TCP11: variants seen among roughly 807,000 people sequenced by gnomAD.
The protein encoded by TCP11 is T-complex protein 11 homolog.
A neutral mutation model predicts 45.0 loss-of-function variants in TCP11; 34 were observed. That is an observed-to-expected ratio of 0.76 (90% CI 0.57 to 1.01). The LOEUF (loss-of-function observed/expected upper bound fraction) is 1.01. Ranked by LOEUF, TCP11 falls within the 50% of genes least tolerant of loss-of-function variation. The pLI is 0.00. For missense variants in TCP11, 523 were observed against 598.1 expected (o/e 0.87, Z 1.31); for synonymous variants, 227 against 227.0 (o/e 1.00, Z 0.00).
intron 3 of TCP11, among the ~76,000 whole-genome samples, chr6:35,133,563 G>C (rs558518785): frequency 6.6e-6 from 1 of 151,984 alleles, no homozygotes; most frequent in African/African-American, 2.4e-5. Context: ...AGGCCAAGGC[G>C]GGTGGATCAC....
intron 9 of TCP11, 55 bp downstream of exon 9, chr6:35,119,172 AC>A: frequency 6.3e-7 from 1 of 1,594,856 alleles, no homozygotes; most frequent in Non-Finnish European, 8.6e-7. Context: ...TTGGGGTTCC[AC>A]GGTTGGGATC....
rs1319642643 is a variant in TCP11 at position 35,124,449 on chromosome 6, G to A, written c.358-2112C>T. Among the ~76,000 whole-genome samples the A allele has an allele frequency of 2.6e-5, 4 of 152,302 alleles. No individual in the cohort carries two copies. In the South Asian group the frequency reaches 8.3e-4, roughly 32 times the overall value. ...TTAATGATAATTATTCACCTTTTGAGAAACAACTTCTTGGGCCTTGGTAGA... is the reference window on the plus strand; with the variant it reads ...TTAATGATAATTATTCACCTTTTGAAAAACAACTTCTTGGGCCTTGGTAGA... On this transcript the variant is annotated intron_variant, in intron 4 of 9. Transcript: ENST00000311875.
Position 35,120,311 on chromosome 6 carries a change from C to T in TCP11, c.963G>A (p.Gln321=). 1 of 1,614,198 alleles carries T rather than the reference C, an allele frequency of 6.2e-7. No individual in the cohort carries two copies. The highest frequency in any genetic ancestry group is 8.5e-7 in the Non-Finnish European group (1 of 1,179,992). The change falls in exon 8 of 10, where the codon CAG becomes CAA. Residue 321 remains glutamine, a synonymous_variant. Transcript: ENST00000311875. The surrounding 1 kb of genome is among the most constrained non-coding windows in gnomAD (Gnocchi z 4.9). The stretch of plus-strand genomic sequence containing the variant: ...ACTGGTGCAACTGGGACTTCAGCTC[C>T]TGCAGCCGGGTTCTGTCCATCAGCA... ...ETLLMDRTRL[Q]ELKSQLHQLT...
intron 3 of TCP11, among the ~76,000 whole-genome samples, chr6:35,134,598 C>T (rs373402830): frequency 1.3e-5 from 2 of 151,960 alleles, no homozygotes; most frequent in East Asian, 1.9e-4. Context: ...TTAAATCATC[C>T]CTAGATTACT....
At chr6:35,139,392 A>G (rs7772251) in intron 2 of TCP11, among the ~76,000 whole-genome samples, 102,578 of 152,018 alleles carry the variant, frequency 0.67, 34,772 homozygotes, top group Middle Eastern at 0.84. Context: ...AAAGTTAAGG[A>G]GATTGTAGAC....
chr6:35,124,911 G>A (rs1472973797), intron 4 of TCP11, among the ~76,000 whole-genome samples: 2 of 151,490 alleles, frequency 1.3e-5, no homozygotes, highest in African/African-American at 4.8e-5. Flanking sequence ...CAAAATGGTA[G>A]TGGCTCACGT....
chr6:35,140,857 T>C lies in TCP11; in HGVS notation c.14A>G (p.Lys5Arg). Reference sequence around the variant, plus strand: ...AGGATATTTCGGGGGCACACTCTCCTTGACGTCTGGCATTTTGCTGATGGT... The same window carrying C: ...AGGATATTTCGGGGGCACACTCTCCCTGACGTCTGGCATTTTGCTGATGGT... The part of the protein sequence containing the change: MPDV[K>R]ESVPPKYPGD... The change falls in exon 2 of 10, where the codon AAG becomes AGG. Residue 5 changes from lysine (K) to arginine (R), a missense_variant. By Grantham distance (26) the Lys-to-Arg change is conservative. Around this residue, in one of 2 missense-constraint regions of TCP11, gnomAD observed 225 missense variants for 210.2 expected, o/e 1.07. Transcript: ENST00000311875. 1.3e-6 allele frequency: 2 copies of C among 1,577,038 alleles called. No homozygotes were observed. The highest frequency in any genetic ancestry group is 8.6e-7 in the Non-Finnish European group (1 of 1,164,922).
In TCP11 at chr6:35,140,840, T is replaced by C; in HGVS notation, c.31A>G (p.Lys11Glu). Reference protein sequence around the residue: MPDVKESVPPKYPGDSEGRSC... With the variant: MPDVKESVPPEYPGDSEGRSC... ...CTGCCCTCTGAGTCGCCAGGATATTTCGGGGGCACACTCTCCTTGACGTCT... is the reference window on the plus strand; with the variant it reads ...CTGCCCTCTGAGTCGCCAGGATATTCCGGGGGCACACTCTCCTTGACGTCT... The change falls in exon 2 of 10, where the codon AAA becomes GAA. Residue 11 changes from lysine (K) to glutamate (E), a missense_variant. Physicochemically the swap from Lys to Glu is moderately conservative, Grantham distance 56. Around this residue, in one of 2 missense-constraint regions of TCP11, gnomAD observed 225 missense variants for 210.2 expected, o/e 1.07. Transcript: ENST00000311875. The C allele has an allele frequency of 6.4e-7, 1 of 1,567,560 alleles. No homozygotes were observed. Among genetic ancestry groups the C allele is most frequent in the Middle Eastern group, 1.7e-4 (1 of 5,832 alleles).
Position 35,122,326 on chromosome 6 carries a change from TGA to T in TCP11, c.367_368del (p.Ser123ThrfsTer12). ...GGCGGTTCTGGCGTGGTAATAGCAG[TGA>T]TAGCAAGATCTGCCCAGGAAAGAAA... is the stretch of plus-strand genomic sequence containing the variant. ...LLKEIKEILLSLLLPRQNRLR... is the reference protein window; with the variant it reads ...LLKEIKEILLXLLLPRQNRLR... On this transcript the variant is annotated frameshift_variant, in exon 5 of 10. Coordinates refer to ENST00000311875, the MANE Select transcript of TCP11 (RefSeq NM_001370687.1). LOFTEE classifies it high-confidence loss of function. 3 of 1,614,080 alleles carry T rather than the reference TGA, an allele frequency of 1.9e-6. No homozygotes were observed. Among genetic ancestry groups the T allele is most frequent in the Non-Finnish European group, 2.5e-6 (3 of 1,180,002 alleles).
In TCP11 at chr6:35,141,336, GA is replaced by G; in HGVS notation, c.-147del. On this transcript the variant is annotated 5_prime_UTR_variant, in exon 1 of 10. Coordinates refer to ENST00000311875, the MANE Select transcript of TCP11 (RefSeq NM_001370687.1). The stretch of plus-strand genomic sequence containing the variant: ...CACGGTGAGAAAGGCCGGGGCCTGA[GA>G]ACAAACCGCCGCGGTCGCCGGGGCA... The G allele has an allele frequency of 3.4e-6, 4 of 1,182,342 alleles. No individual in the cohort carries two copies. Among genetic ancestry groups the G allele is most frequent in the Non-Finnish European group, 4.3e-6 (4 of 937,282 alleles). 73.2% of individuals were successfully genotyped at this position (1,182,342 alleles called of 1,614,324 possible).
At chr6:35,139,899 T>C (rs1338625558) in intron 2 of TCP11, 1 of 1,098,374 alleles carries the variant, frequency 9.1e-7, no homozygotes, top group South Asian at 1.6e-5. Flanking sequence ...AAATTTCAAA[T>C]TTTTTTAAAA....
chr6:35,136,190 G>C lies in TCP11; in HGVS notation c.153C>G (p.Thr51=). 6.2e-7 allele frequency: 1 copy of C among 1,612,904 alleles called. No individual in the cohort carries two copies. The highest frequency in any genetic ancestry group is 1.1e-5 in the South Asian group (1 of 90,990). ...TGCTCAGCTTGGAAACTTCATTAAC[G>C]GTTTCTGTCAGACCTGTGACAGAAA... ...PFLSVTGLTE[T]VNEVSKLSNK... The change falls in exon 3 of 10, where the codon ACC becomes ACG. Residue 51 remains threonine, a synonymous_variant. Transcript: ENST00000311875.
In TCP11 at chr6:35,120,357, A is replaced by G. The variant is rs1427519523; in HGVS notation, c.934-17T>C. ...CAGCAGGGTCTGGGAACCAGGGAAG[A>G]ACAGGCTGTCAGGGGAAGTCCCGAT... On this transcript the variant is annotated splice_polypyrimidine_tract_variant and intron_variant, in intron 7 of 9. Coordinates refer to ENST00000311875, the MANE Select transcript of TCP11 (RefSeq NM_001370687.1). The surrounding 1 kb of genome is among the most constrained non-coding windows in gnomAD (Gnocchi z 4.9). 1 of 1,608,934 alleles carries G rather than the reference A, an allele frequency of 6.2e-7. No individual in the cohort carries two copies. The highest frequency in any genetic ancestry group is 8.5e-7 in the Non-Finnish European group (1 of 1,176,572).
chr6:35,120,171 T>G lies in TCP11; in HGVS notation c.1103A>C (p.Asp368Ala). The G allele has an allele frequency of 6.2e-7, 1 of 1,614,080 alleles. No homozygotes were observed. Among genetic ancestry groups the G allele is most frequent in the Non-Finnish European group, 8.5e-7 (1 of 1,179,986 alleles). The change falls in exon 8 of 10, where the codon GAC becomes GCC. Residue 368 changes from aspartate (D) to alanine (A), a missense_variant. Physicochemically the swap from Asp to Ala is moderately radical, Grantham distance 126. This residue lies in a region of TCP11 where 298 missense variants were observed against 387.9 expected (regional missense o/e 0.77). Transcript: ENST00000311875. The surrounding 1 kb of genome is among the most constrained non-coding windows in gnomAD (Gnocchi z 4.9). ...CTATGCAGCTCACCTGGAGTGAAAGTCTTCCAACAAGGATTTGGTTATGCG... is the reference window on the plus strand; with the variant it reads ...CTATGCAGCTCACCTGGAGTGAAAGGCTTCCAACAAGGATTTGGTTATGCG... ...LKRITKSLLE[D>A]FHSRPEEAIL...
rs556793707 is a variant in TCP11 at position 35,139,625 on chromosome 6, G to A, written c.124+1122C>T. On this transcript the variant is annotated intron_variant, in intron 2 of 9. Coordinates refer to ENST00000311875, the MANE Select transcript of TCP11 (RefSeq NM_001370687.1). ...TTCAGAAGGGGATTGAACTACAGCA[G>A]CTTATTGAGGGACGGAGGGAAATAT... Among the ~76,000 whole-genome samples, 3 of 152,312 alleles carry A rather than the reference G, an allele frequency of 2.0e-5. No individual in the cohort carries two copies. The South Asian group carries it at 6.2e-4, about 32-fold the overall frequency.
At chr6:35,122,916 A>G (rs1779443953) in intron 4 of TCP11, among the ~76,000 whole-genome samples, 1 of 152,178 alleles carries the variant, frequency 6.6e-6, no homozygotes, top group African/African-American at 2.4e-5. Flanking sequence ...GTTTACCTTC[A>G]TGTTAAACAA....
intron 4 of TCP11, among the ~76,000 whole-genome samples, chr6:35,122,727 G>A (rs930632581): frequency 1.3e-5 from 2 of 152,108 alleles, no homozygotes; most frequent in South Asian, 4.1e-4. Flanking sequence ...AATAGGCATA[G>A]GAGCTGTTGC....
At chr6:35,137,554 T>C (rs1781227082) in intron 2 of TCP11, 2 of 164,020 alleles carry the variant, frequency 1.2e-5, no homozygotes, top group Admixed American at 1.3e-4. Context: ...ATCTTTATGA[T>C]TTCATTTCAC....
chr6:35,132,992 A>G (rs968773967), intron 3 of TCP11, among the ~76,000 whole-genome samples: 2 of 152,252 alleles, frequency 1.3e-5, no homozygotes, highest in Non-Finnish European at 2.9e-5. Context: ...CATGAAGACC[A>G]GAGGAGCAAC....
Sources: allele counts gnomAD v4.1 joint callset (sites outside exome capture counted in the v4.1 genomes callset), GRCh38; gene constraint gnomAD v4.1.1; regional missense constraint gnomAD v4.1.1; non-coding constraint Gnocchi (gnomAD v3.1); transcripts MANE v1.5; gene names NCBI Gene and HGNC (gene_info 2026-07-23, HGNC 2026-07-21).